Variants in TFR2 observed in about 807,000 individuals in gnomAD.
TFR2 encodes the protein transferrin receptor protein 2.
A neutral mutation model predicts 91.9 loss-of-function variants in TFR2; 64 were observed. The observed-to-expected ratio is 0.70, with a 90% CI of 0.57 to 0.86. The LOEUF (loss-of-function observed/expected upper bound fraction) is 0.86, where lower values mean the gene tolerates loss of function less well. Ranked by LOEUF, TFR2 falls within the 40% of genes least tolerant of loss-of-function variation. The pLI is 0.00. For synonymous variants in TFR2, 454 were observed against 459.6 expected (o/e 0.99, Z 0.15); for missense variants, 950 against 1,080.5 (o/e 0.88, Z 1.69).
At chr7:100,637,430 CAAA>C (rs1047510638) in intron 3 of TFR2, among the ~76,000 whole-genome samples, 27 of 149,872 alleles carry the variant, frequency 1.8e-4, no homozygotes, top group African/African-American at 6.6e-4. Flanking sequence ...AAAAAACAAA[CAAA>C]AAAATCATAA....
rs756655285 is a variant in TFR2, at chr7:100,633,338, G to T, written c.617C>A (p.Ala206Asp). Residue 206 changes from alanine (A) to aspartate (D), a missense_variant and splice_region_variant, in exon 5 of 18, where the codon GCT (alanine) becomes GAT (aspartate). By Grantham distance (126) the Ala-to-Asp change is moderately radical. Coordinates refer to ENST00000223051, the MANE Select transcript of TFR2 (RefSeq NM_003227.4). ...GACCCAGTGCAGGGTGTTGGGGTGAGCCCTGGGGAGCGGGGCTGGTGAGCG... is the reference window on the plus strand; with the variant it reads ...GACCCAGTGCAGGGTGTTGGGGTGATCCCTGGGGAGCGGGGCTGGTGAGCG... ...HYVGLQFPDP[A>D]HPNTLHWVDE... 25 of 1,612,494 alleles carry T rather than the reference G, an allele frequency of 1.6e-5. No individual in the cohort carries two copies. The highest frequency in any genetic ancestry group is 2.7e-5 in the African/African-American group (2 of 74,880).
At chr7:100,640,643 G>A (rs766676838) in intron 3 of TFR2, 43 bp downstream of exon 3, 1 of 1,600,624 alleles carries the variant, frequency 6.2e-7, no homozygotes, top group Admixed American at 1.7e-5. Context: ...AGCGGATGAG[G>A]GGAGGGACAC....
rs141943282 is a variant in TFR2 at position 100,633,541 on chromosome 7, C to T, written c.489G>A (p.Arg163=). Residue 163 remains arginine (R), a synonymous_variant, in exon 4 of 18, where the codon CGG becomes CGA. Transcript: ENST00000223051. ...LEDTIRQTSL[R]ERVAGSAGMA... is the part of the protein sequence containing the mutation. ...TCCCGGCCGAGCCTGCCACCCGTTC[C>T]CGAAGGCTGGTTTGCCTAAGCGGGG... 6.2e-7 allele frequency: 1 copy of T among 1,605,368 alleles called. No individual in the cohort carries two copies. The highest frequency in any genetic ancestry group is 8.5e-7 in the Non-Finnish European group (1 of 1,179,688).
At chr7:100,625,059 C>CTTTTTTTTTTTT (rs34968337) in intron 17 of TFR2, among the ~76,000 whole-genome samples, 2 of 105,288 alleles carry the variant, frequency 1.9e-5, no homozygotes, top group South Asian at 3.0e-4. Flanking sequence ...TTTTCTTTTT[C>CTTTTTTTTTTTT]TTTTTTTTTT....
Position 100,628,139 on chromosome 7 carries a change from G to A in TFR2, c.1474-3C>T, listed in dbSNP as rs1803321392. Reference sequence around the variant, plus strand: ...AGGTGCAGCACGCTGAGGTAGCCCTGTGGGTGGGTGACCAGTGTGGAGTGG... The same window carrying A: ...AGGTGCAGCACGCTGAGGTAGCCCTATGGGTGGGTGACCAGTGTGGAGTGG... On this transcript the variant is annotated splice_region_variant and splice_polypyrimidine_tract_variant and intron_variant, in intron 11 of 17. Coordinates refer to ENST00000223051, the MANE Select transcript of TFR2 (RefSeq NM_003227.4). 2.5e-6 allele frequency: 4 copies of A among 1,614,130 alleles called. No individual in the cohort carries two copies. The highest frequency in any genetic ancestry group is 3.4e-6 in the Non-Finnish European group (4 of 1,180,002).
At chr7:100,634,225 CCAAA>C (rs1008506133) in intron 3 of TFR2, among the ~76,000 whole-genome samples, 11 of 147,300 alleles carry the variant, frequency 7.5e-5, no homozygotes, top group South Asian at 4.3e-4. Flanking sequence ...CACACAGCAC[CCAAA>C]CACTTTCCTT....
At position 100,626,833 on chromosome 7, in the gene TFR2, C is replaced by T. The variant is rs752385245; in HGVS notation, c.2066G>A (p.Arg689Gln). ...GDYIRAAEKL[R>Q]QEIYSSEERD... ...CTCCTCCGAGCTGTAGATCTCCTGC[C>T]GCAGCTTTTCCGCCGCCCGGATGTA... Residue 689 changes from arginine (R) to glutamine (Q), a missense_variant, in exon 17 of 18, where the codon CGG (arginine) becomes CAG (glutamine). Physicochemically the swap from Arg to Gln is conservative, Grantham distance 43. Coordinates refer to ENST00000223051, the MANE Select transcript of TFR2 (RefSeq NM_003227.4). 7.7e-6 allele frequency: 12 copies of T among 1,549,602 alleles called. 1 individual carries two copies. In the South Asian group the frequency reaches 1.4e-4, roughly 18 times the overall value.
chr7:100,627,590 A>T lies in TFR2; in HGVS notation c.1754T>A (p.Phe585Tyr). The T allele has an allele frequency of 6.2e-7, 1 of 1,614,084 alleles. No individual in the cohort carries two copies. Among genetic ancestry groups the T allele is most frequent in the Non-Finnish European group, 8.5e-7 (1 of 1,179,976 alleles). Residue 585 changes from phenylalanine (F) to tyrosine (Y), a missense_variant, in exon 15 of 18, where the codon TTC (phenylalanine) becomes TAC (tyrosine). Transcript: ENST00000223051. ...AGGACGTCTCACCTCCATAAAGGAGAACTCGACGGCAGGGACTCCCACAAA... is the reference window on the plus strand; with the variant it reads ...AGGACGTCTCACCTCCATAAAGGAGTACTCGACGGCAGGGACTCCCACAAA... Reference protein sequence around the residue: ...TAFVGVPAVEFSFMEDDQAYP... With the variant: ...TAFVGVPAVEYSFMEDDQAYP...
At position 100,637,987 on chromosome 7, in the gene TFR2, A is replaced by G. The variant is rs531069451; in HGVS notation, c.473+2699T>C. 7.2e-5 allele frequency among the ~76,000 whole-genome samples: 11 copies of G among 151,842 alleles called. 1 individual carries two copies. In the South Asian group the frequency reaches 2.3e-3, roughly 32 times the overall value. On this transcript the variant is annotated intron_variant, in intron 3 of 17. Transcript: ENST00000223051. ...GCTGGGATTACAGGCATGCGCCACTACGCCCGGCTAATTTTGTATTTGTTT... is the reference window on the plus strand; with the variant it reads ...GCTGGGATTACAGGCATGCGCCACTGCGCCCGGCTAATTTTGTATTTGTTT...
chr7:100,621,744 A>T (rs1251206746), intron 17 of TFR2, among the ~76,000 whole-genome samples: 1 of 152,158 alleles, frequency 6.6e-6, no homozygotes, highest in African/African-American at 2.4e-5. Flanking sequence ...GACGAAGGTC[A>T]AGGGGACAGT....
chr7:100,620,803 G>A lies in TFR2; in HGVS notation c.*54C>T, dbSNP rs1383511809. The A allele has an allele frequency of 4.3e-6, 7 of 1,609,944 alleles. No homozygotes were observed. Among genetic ancestry groups the A allele is most frequent in the South Asian group, 1.1e-5 (1 of 90,458 alleles). ...CTCCCTGACCCTGAATCATTCAAGC[G>A]AGGAGCAGAGGAGCTCTTGACTGGG... On this transcript the variant is annotated 3_prime_UTR_variant, in exon 18 of 18. Transcript: ENST00000223051.
At chr7:100,628,754 A>C (rs1317219117) in intron 10 of TFR2, among the ~76,000 whole-genome samples, 2 of 151,056 alleles carry the variant, frequency 1.3e-5, no homozygotes, top group East Asian at 4.0e-4. Flanking sequence ...CATTCATGTC[A>C]CTTTTTTTCT....
chr7:100,633,916 C>G (rs569119390), intron 3 of TFR2, among the ~76,000 whole-genome samples: 1 of 151,976 alleles, frequency 6.6e-6, no homozygotes, highest in East Asian at 1.9e-4. Flanking sequence ...CCATGTTGAC[C>G]AGGTTGGTCT....
At chr7:100,623,295 C>T (rs185711151) in intron 17 of TFR2, among the ~76,000 whole-genome samples, 32 of 152,266 alleles carry the variant, frequency 2.1e-4, no homozygotes, top group Non-Finnish European at 3.2e-4. Flanking sequence ...AAACAAATGG[C>T]AACTGCTATT....
chr7:100,635,657 T>C (rs948352128), intron 3 of TFR2, among the ~76,000 whole-genome samples: 2 of 151,972 alleles, frequency 1.3e-5, no homozygotes, highest in Non-Finnish European at 2.9e-5. Context: ...TGAAACAGTG[T>C]TTCACCATGT....
chr7:100,629,520 C>A (rs541478502), intron 9 of TFR2, 148 bp from the exon 10 acceptor site: 1 of 1,491,260 alleles, frequency 6.7e-7, no homozygotes, highest in South Asian at 1.2e-5. Flanking sequence ...CGCCCCTCCC[C>A]ACTTGGCCCT....
At chr7:100,628,173 C>G (rs770754691) in intron 11 of TFR2, 37 bp from the exon 12 acceptor site, 2 of 1,613,592 alleles carry the variant, frequency 1.2e-6, no homozygotes, top group South Asian at 1.1e-5. Flanking sequence ...GGGAACCCCC[C>G]ACCCCCACCT....
chr7:100,625,059 C>CTTTTT (rs34968337), intron 17 of TFR2, among the ~76,000 whole-genome samples: 16 of 105,240 alleles, frequency 1.5e-4, no homozygotes, highest in South Asian at 6.1e-4. Context: ...TTTTCTTTTT[C>CTTTTT]TTTTTTTTTT....
rs763294601 is a variant in TFR2, at chr7:100,627,413, G to A, written c.1846C>T (p.Pro616Ser). ...NLHKVLQGRL[P>S]AVAQAVAQLA... ...TGGGCCACGGCCTGGGCCACGGCGG[G>A]CAGGCGGCCTTGCAGCACCTTATGC... The change falls in exon 16 of 18, where the codon CCC (proline) becomes TCC (serine). Residue 616 changes from proline to serine, a missense_variant. Transcript: ENST00000223051. The A allele has an allele frequency of 6.4e-7, 1 of 1,572,484 alleles. No homozygotes were observed. Among genetic ancestry groups the A allele is most frequent in the South Asian group, 1.2e-5 (1 of 86,114 alleles).
Sources: gnomAD v4.1 joint callset for allele counts (sites outside exome capture counted in the v4.1 genomes callset) on GRCh38, gnomAD v4.1.1 for gene constraint, MANE v1.5 for transcripts, NCBI Gene and HGNC (gene_info 2026-07-23, HGNC 2026-07-21) for gene names.